The following TNFRSF9 variants were observed in gnomAD, a reference collection of about 807,000 sequenced individuals.
TNFRSF9 encodes TNF receptor superfamily member 9, also known as tumor necrosis factor receptor superfamily member 9.
TNFRSF9 carries 16 observed loss-of-function variants against 28.8 expected under a neutral mutation model. The observed-to-expected ratio is 0.55, with a 90% CI of 0.38 to 0.84. The LOEUF is 0.84. TNFRSF9 is among the 40% of genes least tolerant of loss of function. TNFRSF9 has a pLI of 0.00. For missense variants in TNFRSF9, 303 were observed against 315.0 expected, an observed-to-expected ratio of 0.96 and a Z score of 0.29; for synonymous variants, 131 against 117.0, an observed-to-expected ratio of 1.12 and a Z score of -0.77.
chr1:7,940,648 T>C (rs1446493355), intron 1 of TNFRSF9, 136 bp downstream of exon 1: 3 of 152,198 alleles, frequency 2.0e-5, no homozygotes, highest in Non-Finnish European at 4.4e-5. Flanking sequence ...GGCTAAGTTA[T>C]TGATGTTTAT....
At chr1:7,930,278 C>T (rs9658002) in intron 7 of TNFRSF9, among the ~76,000 whole-genome samples, 2,906 of 152,178 alleles carry the variant, frequency 0.019, 98 homozygotes, top group African/African-American at 0.066. Context: ...AGAAGGAAGG[C>T]TTCCCTGACC....
At chr1:7,938,604 C>G (rs1357494082) in intron 3 of TNFRSF9, 117 bp downstream of exon 3, 2 of 926,062 alleles carry the variant, frequency 2.2e-6, no homozygotes, top group African/African-American at 3.3e-5. Flanking sequence ...TGCTGGTTGG[C>G]AGAAGAATCA....
intron 7 of TNFRSF9, chr1:7,921,904 T>A (rs750955955): frequency 2.0e-5 from 3 of 152,102 alleles, no homozygotes; most frequent in Non-Finnish European, 4.4e-5. Flanking sequence ...ATAGCTCTAG[T>A]TTCAATTCAG....
intron 7 of TNFRSF9, among the ~76,000 whole-genome samples, chr1:7,925,835 T>C (rs1271943674): frequency 6.6e-6 from 1 of 152,152 alleles, no homozygotes; most frequent in African/African-American, 2.4e-5. Flanking sequence ...AAGGCGGTAA[T>C]GCAAGTCATG....
At position 7,916,086 on chromosome 1, in the gene TNFRSF9, C is replaced by A. The variant is rs978306592; in HGVS notation, c.*4749G>T. On this transcript the variant is annotated 3_prime_UTR_variant, in exon 8 of 8. Coordinates refer to ENST00000377507, the MANE Select transcript of TNFRSF9 (RefSeq NM_001561.6). ...CCACTTTATAGTCATCCGCCCCTCA[C>A]ATCAAAACTTTCCGTCAGAGTGATA... The A allele has an allele frequency of 6.6e-6, 1 of 152,062 alleles. No homozygotes were observed. The highest frequency in any genetic ancestry group is 2.4e-5 in the African/African-American group (1 of 41,396). The allele number at this position is 152,062 out of a possible 1,614,324, so 9.4% of individuals were successfully genotyped here.
chr1:7,937,219 G>A (rs910231771), intron 5 of TNFRSF9, among the ~76,000 whole-genome samples: 7 of 152,120 alleles, frequency 4.6e-5, no homozygotes, highest in African/African-American at 1.7e-4. Flanking sequence ...TCTGGAGTGC[G>A]ATGGTGCGAT....
Position 7,916,077 on chromosome 1 carries a change from C to T in TNFRSF9, c.*4758G>A, listed in dbSNP as rs1022000846. On this transcript the variant is annotated 3_prime_UTR_variant, in exon 8 of 8. Coordinates refer to ENST00000377507, the MANE Select transcript of TNFRSF9 (RefSeq NM_001561.6). The stretch of plus-strand genomic sequence containing the variant: ...GGAAGATGCCCACTTTATAGTCATC[C>T]GCCCCTCACATCAAAACTTTCCGTC... The T allele has an allele frequency of 5.9e-5, 9 of 151,928 alleles. No individual in the cohort carries two copies. The highest frequency in any genetic ancestry group is 1.2e-4 in the African/African-American group (5 of 41,352). The allele number at this position is 151,928 out of a possible 1,614,324, so 9.4% of individuals were successfully genotyped here. A position where few individuals can be genotyped will look rare whatever the true frequency, so the allele number is the denominator to read the frequency against.
chr1:7,939,213 G>A (rs1313200417), intron 2 of TNFRSF9, among the ~76,000 whole-genome samples: 7 of 151,654 alleles, frequency 4.6e-5, no homozygotes, highest in Middle Eastern at 3.4e-3. Flanking sequence ...CCAGCTACTC[G>A]GGAGGCTGAG....
At chr1:7,936,395 C>G (rs1639816783) in intron 5 of TNFRSF9, 1 of 159,322 alleles carries the variant, frequency 6.3e-6, no homozygotes, top group South Asian at 1.8e-4. Flanking sequence ...CCAGCCTGGG[C>G]AAGAAGAGCG....
intron 2 of TNFRSF9, 76 bp from the exon 3 acceptor site, chr1:7,938,904 A>G (rs1639861190): frequency 7.4e-6 from 7 of 949,744 alleles, no homozygotes; most frequent in Non-Finnish European, 9.7e-6. Flanking sequence ...AGTTTACAAT[A>G]AAATAAGATT....
chr1:7,937,991 T>A (rs552208205), intron 4 of TNFRSF9, among the ~76,000 whole-genome samples: 1 of 152,364 alleles, frequency 6.6e-6, no homozygotes, highest in South Asian at 2.1e-4. Context: ...ATGTTCTGAT[T>A]TCAAATTATT....
At chr1:7,922,956 G>A (rs1639584877) in intron 7 of TNFRSF9, among the ~76,000 whole-genome samples, 1 of 147,900 alleles carries the variant, frequency 6.8e-6, no homozygotes, top group Non-Finnish European at 1.5e-5. Context: ...AGGCTGGAGT[G>A]CAATGGCGTG....
At chr1:7,935,275 T>G (rs148631355) in intron 5 of TNFRSF9, 132 bp from the exon 6 acceptor site, 9 of 999,972 alleles carry the variant, frequency 9.0e-6, no homozygotes, top group Non-Finnish European at 1.3e-5. Flanking sequence ...TCGAAAGCGA[T>G]GCAAAGATAT....
chr1:7,923,392 C>T (rs76198826), intron 7 of TNFRSF9, among the ~76,000 whole-genome samples: 8,276 of 152,170 alleles, frequency 0.054, 301 homozygotes, highest in South Asian at 0.091. Context: ...AGAACTCCCA[C>T]GTGTCTAGCA....
intron 1 of TNFRSF9, 29 bp from the exon 2 acceptor site, chr1:7,940,107 G>T: frequency 1.4e-6 from 1 of 717,148 alleles, no homozygotes; most frequent in Non-Finnish European, 2.3e-6. Context: ...TCCAAGGAAA[G>T]GTGGTTTCTC....
rs756670508 is a variant in TNFRSF9 at position 7,933,309 on chromosome 1, G to C, written c.545-13C>G. ...TGCGGAGAGTGTCCTGCAAAACACA[G>C]CAAAAGGAGAAACGCATGCAGAAAT... On this transcript the variant is annotated splice_polypyrimidine_tract_variant and intron_variant, in intron 6 of 7. Coordinates refer to ENST00000377507, the MANE Select transcript of TNFRSF9 (RefSeq NM_001561.6). The C allele has an allele frequency of 1.9e-6, 3 of 1,609,194 alleles. No individual in the cohort carries two copies. The Admixed American group carries it at 5.1e-5, about 27-fold the overall frequency.
chr1:7,926,558 T>C (rs1392321041), intron 7 of TNFRSF9, among the ~76,000 whole-genome samples: 2 of 152,224 alleles, frequency 1.3e-5, no homozygotes, highest in Non-Finnish European at 2.9e-5. Flanking sequence ...AGCCGGCTTT[T>C]TGTAGATATA....
At chr1:7,930,365 TA>T (rs374451033) in intron 7 of TNFRSF9, among the ~76,000 whole-genome samples, 2 of 152,104 alleles carry the variant, frequency 1.3e-5, no homozygotes, top group Non-Finnish European at 2.9e-5. Context: ...TAAAAACTTT[TA>T]AAAAATGGAT....
intron 7 of TNFRSF9, among the ~76,000 whole-genome samples, chr1:7,929,695 G>C (rs2151415985): frequency 6.6e-6 from 1 of 152,266 alleles, no homozygotes; most frequent in South Asian, 2.1e-4. Flanking sequence ...GGTGGGGAGA[G>C]GTAGAGGACC....
Sources: gnomAD v4.1 joint callset for allele counts (sites outside exome capture counted in the v4.1 genomes callset) on GRCh38, gnomAD v4.1.1 for gene constraint, MANE v1.5 for transcripts, NCBI Gene and HGNC (gene_info 2026-07-23, HGNC 2026-07-21) for gene names.